The following TYW1 variants were observed in gnomAD, a reference collection of about 807,000 sequenced individuals.
The protein encoded by TYW1 is tRNA-yW synthesizing protein 1 homolog.
Under a neutral mutation model 96.2 loss-of-function variants are expected in TYW1, and 46 were observed. That is an observed-to-expected ratio of 0.48 (90% CI 0.38 to 0.61). The LOEUF is 0.61. Among genes scored for constraint, TYW1 ranks in the 20% least tolerant of loss-of-function variants. The pLI, the probability that TYW1 is intolerant of heterozygous loss-of-function variation, is 0.00. For missense variants in TYW1, 684 were observed against 909.6 expected, an observed-to-expected ratio of 0.75 and a Z score of 3.19; for synonymous variants, 274 against 323.0, an observed-to-expected ratio of 0.85 and a Z score of 1.63.
Position 67,161,277 on chromosome 7 carries a change from TG to T in TYW1, c.1699-21848del, listed in dbSNP as rs546934294. 4.5e-3 allele frequency among the ~76,000 whole-genome samples: 685 copies of T among 152,330 alleles called. 4 individuals are homozygous for T. Among genetic ancestry groups the T allele is most frequent in the African/African-American group, 0.016 (660 of 41,574 alleles). On this transcript the variant is annotated intron_variant, in intron 13 of 15. Coordinates refer to ENST00000359626, the MANE Select transcript of TYW1 (RefSeq NM_018264.4). ...TTTTGTTTTCACACACATACAACTTTGAGATATTGATTAGAATGCATTGAAT... is the reference window on the plus strand; with the variant it reads ...TTTTGTTTTCACACACATACAACTTTAGATATTGATTAGAATGCATTGAAT...
chr7:67,088,338 A>C (rs1453481560), intron 11 of TYW1, among the ~76,000 whole-genome samples: 1 of 152,054 alleles, frequency 6.6e-6, no homozygotes, highest in Non-Finnish European at 1.5e-5. Context: ...TTGCTGTAAA[A>C]TTATGATAAT....
chr7:67,188,901 T>C (rs1197271181), intron 14 of TYW1, among the ~76,000 whole-genome samples: 3 of 152,222 alleles, frequency 2.0e-5, no homozygotes, highest in Non-Finnish European at 4.4e-5. Context: ...GCTTATCTTT[T>C]TGTTATTAAG....
Position 67,158,840 on chromosome 7 carries a change from G to A in TYW1, c.1699-24286G>A, listed in dbSNP as rs550283628. On this transcript the variant is annotated intron_variant, in intron 13 of 15. Transcript: ENST00000359626. ...CCCGCCTCAGCCTCCCAAAGTGCTGGGATTACAGGCGTGAGCCACTGCACC... is the reference window on the plus strand; with the variant it reads ...CCCGCCTCAGCCTCCCAAAGTGCTGAGATTACAGGCGTGAGCCACTGCACC... Among the ~76,000 whole-genome samples, 15 of 152,242 alleles carry A rather than the reference G, an allele frequency of 9.9e-5. No individual in the cohort carries two copies. In the East Asian group the frequency reaches 1.3e-3, roughly 14 times the overall value.
chr7:67,097,292 G>A lies in TYW1; in HGVS notation c.1385-1249G>A, dbSNP rs1353926179. On this transcript the variant is annotated intron_variant, in intron 11 of 15. Transcript: ENST00000359626. ...CTCTGGTTTCATGCAGTGGCTTTTA[G>A]CCTTGGCTATACGTAACAACCATCT... Among the ~76,000 whole-genome samples the A allele has an allele frequency of 2.6e-5, 4 of 152,214 alleles. No homozygotes were observed. The East Asian group carries it at 7.7e-4, about 29-fold the overall frequency.
intron 15 of TYW1, among the ~76,000 whole-genome samples, chr7:67,227,599 T>C (rs533386876): frequency 8.6e-5 from 13 of 151,808 alleles, no homozygotes; most frequent in Non-Finnish European, 1.8e-4. Flanking sequence ...TTTCATATAG[T>C]TGGGGCTTTG....
At chr7:67,217,316 C>G (rs1215713699) in intron 15 of TYW1, among the ~76,000 whole-genome samples, 2 of 151,950 alleles carry the variant, frequency 1.3e-5, no homozygotes, top group African/African-American at 4.8e-5. Flanking sequence ...TTCTCTATAC[C>G]CACGAAATCA....
rs565258185 is a variant in TYW1, at chr7:67,038,655, G to A, written c.985-11294G>A. The stretch of plus-strand genomic sequence containing the variant: ...ATGATGGCTCACACCTGTAATCCCA[G>A]CACTTTGGGAGGCTGAGGCAGGCAG... On this transcript the variant is annotated intron_variant, in intron 7 of 15. Transcript: ENST00000359626. 3.9e-5 allele frequency among the ~76,000 whole-genome samples: 6 copies of A among 152,134 alleles called. No homozygotes were observed. In the East Asian group the frequency reaches 7.8e-4, roughly 20 times the overall value.
chr7:67,029,416 T>TAC (rs1794590678), intron 7 of TYW1, among the ~76,000 whole-genome samples: 2 of 97,612 alleles, frequency 2.0e-5, no homozygotes, highest in African/African-American at 9.4e-5. Context: ...TGTGTGTGTG[T>TAC]ATATATATAT....
chr7:67,003,758 T>C (rs991157225), intron 3 of TYW1, among the ~76,000 whole-genome samples: 2 of 152,192 alleles, frequency 1.3e-5, no homozygotes, highest in African/African-American at 4.8e-5. Flanking sequence ...AATTTGAGTG[T>C]GAGGCCAGGT....
chr7:67,028,013 T>C (rs1794513496), intron 7 of TYW1, among the ~76,000 whole-genome samples: 2 of 150,396 alleles, frequency 1.3e-5, no homozygotes, highest in Non-Finnish European at 2.9e-5. Context: ...GGTGGGTGGA[T>C]TGCTTGAGGT....
At chr7:67,084,023 G>A (rs190817941) in intron 11 of TYW1, among the ~76,000 whole-genome samples, 4,612 of 152,240 alleles carry the variant, frequency 0.03, 206 homozygotes, top group African/African-American at 0.11. Flanking sequence ...CAAAAAGAGC[G>A]AAACTCCATC....
chr7:67,210,110 C>A (rs570113079), intron 15 of TYW1, among the ~76,000 whole-genome samples: 1 of 152,136 alleles, frequency 6.6e-6, no homozygotes, highest in Non-Finnish European at 1.5e-5. Context: ...GTTCTAGGAT[C>A]CCATTACATT....
rs62466595 is a variant in TYW1 at position 67,008,731 on chromosome 7, T to A, written c.274-852T>A. 4.4e-3 allele frequency among the ~76,000 whole-genome samples: 675 copies of A among 152,310 alleles called. 3 individuals are homozygous for A. The highest frequency in any genetic ancestry group is 6.4e-3 in the Non-Finnish European group (432 of 68,024). On this transcript the variant is annotated intron_variant, in intron 3 of 15. Transcript: ENST00000359626. ...AGACTGGAGTGCAATGGTGCAATCT[T>A]GGCTCACTGCAACCTCCGCCTCCTG...
At chr7:67,150,660 A>G (rs1401888071) in intron 13 of TYW1, among the ~76,000 whole-genome samples, 2 of 152,328 alleles carry the variant, frequency 1.3e-5, no homozygotes, top group African/African-American at 2.4e-5. Flanking sequence ...GTACTATTCA[A>G]TGAATTTCTA....
At chr7:67,187,384 T>C (rs1260805426) in intron 14 of TYW1, among the ~76,000 whole-genome samples, 1 of 152,158 alleles carries the variant, frequency 6.6e-6, no homozygotes, top group African/African-American at 2.4e-5. Flanking sequence ...ATTTTGATGA[T>C]AAAATATAAT....
chr7:67,001,642 G>T (rs1182627388), intron 3 of TYW1, among the ~76,000 whole-genome samples: 1 of 151,584 alleles, frequency 6.6e-6, no homozygotes, highest in Non-Finnish European at 1.5e-5. Context: ...GACTGTTCTC[G>T]AACTCCTGAC....
At chr7:67,105,318 T>C (rs533996281) in intron 12 of TYW1, among the ~76,000 whole-genome samples, 1 of 152,344 alleles carries the variant, frequency 6.6e-6, no homozygotes, top group African/African-American at 2.4e-5. Context: ...TTGAACCTAC[T>C]GGGGCTCAGT....
At chr7:67,039,769 T>A (rs1024725681) in intron 7 of TYW1, among the ~76,000 whole-genome samples, 3 of 151,336 alleles carry the variant, frequency 2.0e-5, no homozygotes, top group Non-Finnish European at 4.4e-5. Context: ...TTCAAGTGAT[T>A]GTTCTGCCTC....
At chr7:67,217,525 G>A (rs1296550756) in intron 15 of TYW1, among the ~76,000 whole-genome samples, 1 of 152,160 alleles carries the variant, frequency 6.6e-6, no homozygotes, top group East Asian at 1.9e-4. Flanking sequence ...TCCCCATTGA[G>A]TAGTCTTGGC....
Sources: allele counts gnomAD v4.1 joint callset (sites outside exome capture counted in the v4.1 genomes callset), GRCh38; gene constraint gnomAD v4.1.1; transcripts MANE v1.5; gene names NCBI Gene and HGNC (gene_info 2026-07-23, HGNC 2026-07-21).